Variants in CPPED1 observed in about 807,000 individuals in gnomAD.
CPPED1 encodes the protein serine/threonine-protein phosphatase CPPED1.
A neutral mutation model predicts 28.0 loss-of-function variants in CPPED1; 28 were observed. The observed-to-expected ratio is 1.00, with a 90% CI of 0.74 to 1.37. The LOEUF is 1.37. Among genes scored for constraint, CPPED1 ranks in the 40% most tolerant of loss-of-function variants. CPPED1 has a pLI of 0.00. For missense variants in CPPED1, 504 were observed against 416.5 expected, an observed-to-expected ratio of 1.21 and a Z score of -1.83; for synonymous variants, 198 against 180.2, an observed-to-expected ratio of 1.10 and a Z score of -0.79.
At chr16:12,721,903 T>C (rs78798091) in intron 2 of CPPED1, among the ~76,000 whole-genome samples, 5,206 of 152,256 alleles carry the variant, frequency 0.034, 131 homozygotes, top group East Asian at 0.1. Flanking sequence ...CTCTCCGCTA[T>C]GGAGGTTGTC....
Position 12,664,742 on chromosome 16 carries a change from C to G in CPPED1, c.*144G>C, listed in dbSNP as rs897410892. Reference sequence around the variant, plus strand: ...AATATAATTCAGGACAGGGCCCCAGCTCTCTGATTTATGCAAAAGGACATA... The same window carrying G: ...AATATAATTCAGGACAGGGCCCCAGGTCTCTGATTTATGCAAAAGGACATA... On this transcript the variant is annotated 3_prime_UTR_variant, in exon 4 of 4. Coordinates refer to ENST00000381774, the MANE Select transcript of CPPED1 (RefSeq NM_018340.3). This position sits in a 1 kb window ranked among gnomAD's most constrained non-coding sequence, Gnocchi z 4.2. 1 of 1,488,780 alleles carries G rather than the reference C, an allele frequency of 6.7e-7. No homozygotes were observed. The highest frequency in any genetic ancestry group is 2.9e-5 in the Admixed American group (1 of 34,928). The allele number at this position is 1,488,780 out of a possible 1,614,324, so 92.2% of individuals were successfully genotyped here.
At chr16:12,665,146 C>T in intron 3 of CPPED1, 31 bp from the exon 4 acceptor site, 1 of 1,574,788 alleles carries the variant, frequency 6.4e-7, no homozygotes, top group South Asian at 1.2e-5. Context: ...CATTAGGGGG[C>T]CGAGGACTTC....
intron 2 of CPPED1, among the ~76,000 whole-genome samples, chr16:12,741,057 G>A (rs1477906806): frequency 2.0e-5 from 3 of 152,160 alleles, no homozygotes; most frequent in East Asian, 1.9e-4. Flanking sequence ...AGATAACAGT[G>A]CCCTTTCTAA....
chr16:12,768,386 G>A (rs1262780512), intron 2 of CPPED1, among the ~76,000 whole-genome samples: 1 of 152,102 alleles, frequency 6.6e-6, no homozygotes, highest in Non-Finnish European at 1.5e-5. Flanking sequence ...TAATCAAAAG[G>A]CAACTGTTAA....
intron 2 of CPPED1, among the ~76,000 whole-genome samples, chr16:12,760,037 T>C (rs1041310643): frequency 8.5e-5 from 13 of 152,230 alleles, no homozygotes; most frequent in Admixed American, 5.2e-4. Context: ...CAGCTGTGGG[T>C]TCCACGTCTG....
chr16:12,727,261 G>A (rs867185312), intron 2 of CPPED1, among the ~76,000 whole-genome samples: 32 of 152,264 alleles, frequency 2.1e-4, no homozygotes, highest in Non-Finnish European at 1.3e-4. Context: ...GGCTGGTGGC[G>A]ACAGGGAAAA....
chr16:12,728,374 T>C (rs1333186398), intron 2 of CPPED1, among the ~76,000 whole-genome samples: 1 of 151,974 alleles, frequency 6.6e-6, no homozygotes, highest in Non-Finnish European at 1.5e-5. Context: ...ATATACTGAA[T>C]TCGTAGATTT....
Position 12,705,056 on chromosome 16 carries a change from G to A in CPPED1, c.290-7C>T. The A allele has an allele frequency of 6.2e-7, 1 of 1,602,162 alleles. No individual in the cohort carries two copies. Among genetic ancestry groups the A allele is most frequent in the Non-Finnish European group, 8.5e-7 (1 of 1,171,908 alleles). On this transcript the variant is annotated splice_polypyrimidine_tract_variant and splice_region_variant and intron_variant, in intron 2 of 3. Transcript: ENST00000381774. ...TCCGTCCGCCACGGCTTCCCTGGAAGAGTGAGGGTCACGTCCTGAGAAAGC... is the reference window on the plus strand; with the variant it reads ...TCCGTCCGCCACGGCTTCCCTGGAAAAGTGAGGGTCACGTCCTGAGAAAGC...
rs192292481 is a variant in CPPED1 at position 12,680,055 on chromosome 16, G to T, written c.716-14940C>A. Among the ~76,000 whole-genome samples, 119 of 152,210 alleles carry T rather than the reference G, an allele frequency of 7.8e-4. 1 individual carries two copies. Among genetic ancestry groups the T allele is most frequent in the African/African-American group, 2.8e-3 (115 of 41,530 alleles). The stretch of plus-strand genomic sequence containing the variant: ...TTATCTACATAATAAGACAACCTTT[G>T]TTCACAATGCAGTTCTGCCTCTTAC... On this transcript the variant is annotated intron_variant, in intron 3 of 3. Coordinates refer to ENST00000381774, the MANE Select transcript of CPPED1 (RefSeq NM_018340.3).
At chr16:12,786,401 T>C (rs757236051) in intron 1 of CPPED1, among the ~76,000 whole-genome samples, 1 of 149,242 alleles carries the variant, frequency 6.7e-6, no homozygotes, top group Non-Finnish European at 1.5e-5. Flanking sequence ...TTCGTTTCCT[T>C]AAACTAACAC....
intron 3 of CPPED1, among the ~76,000 whole-genome samples, chr16:12,687,154 G>A (rs976618183): frequency 1.1e-4 from 17 of 151,922 alleles, no homozygotes; most frequent in Admixed American, 6.6e-5. Context: ...GCCAACTCTT[G>A]ACCTATACTC....
chr16:12,696,722 T>C (rs1384936768), intron 3 of CPPED1, among the ~76,000 whole-genome samples: 5 of 151,990 alleles, frequency 3.3e-5, no homozygotes, highest in African/African-American at 4.8e-5. Flanking sequence ...GGATTACAGG[T>C]GTGAGCCGCT....
In CPPED1 at chr16:12,781,266, G is replaced by C. The variant is rs2080529495; in HGVS notation, c.208C>G (p.Gln70Glu). 3.3e-5 allele frequency: 53 copies of C among 1,614,018 alleles called. No individual in the cohort carries two copies. In the East Asian group the frequency reaches 1.1e-3, roughly 35 times the overall value. The change falls in exon 2 of 4, where the codon CAA (glutamine) becomes GAA (glutamate). Residue 70 changes from glutamine (Q) to glutamate (E), a missense_variant. Physicochemically the swap from Gln to Glu is conservative, Grantham distance 29 (BLOSUM62 2). Transcript: ENST00000381774. The stretch of plus-strand genomic sequence containing the variant: ...AGCTTGTTGATGGCCTGGACGGCTT[G>C]CTCAGTTAGACGGATCTCCTGTTCC... The part of the protein sequence containing the change: ...EWEQEIRLTE[Q>E]AVQAINKLNP...
intron 2 of CPPED1, among the ~76,000 whole-genome samples, chr16:12,776,696 G>A (rs1219012246): frequency 6.6e-6 from 1 of 152,140 alleles, no homozygotes; most frequent in East Asian, 1.9e-4. Flanking sequence ...TGAGGCAGGT[G>A]GATCACGAGG....
At chr16:12,699,626 T>C (rs1307742011) in intron 3 of CPPED1, among the ~76,000 whole-genome samples, 1 of 152,138 alleles carries the variant, frequency 6.6e-6, no homozygotes, top group African/African-American at 2.4e-5. Context: ...ACCTCCACGG[T>C]GGTTTGGGGA....
At chr16:12,680,992 C>T (rs2079901823) in intron 3 of CPPED1, among the ~76,000 whole-genome samples, 2 of 152,200 alleles carry the variant, frequency 1.3e-5, no homozygotes, top group South Asian at 4.2e-4. Context: ...TTCTCTTCCT[C>T]TTTCTTTCTT....
chr16:12,745,434 C>T (rs12446858), intron 2 of CPPED1, among the ~76,000 whole-genome samples: 26,792 of 152,058 alleles, frequency 0.18, 2,429 homozygotes, highest in Middle Eastern at 0.22. Context: ...TGCCCACCAA[C>T]GACAGATTGG....
intron 2 of CPPED1, among the ~76,000 whole-genome samples, chr16:12,749,042 C>G (rs1384312571): frequency 6.6e-6 from 1 of 151,966 alleles, no homozygotes; most frequent in East Asian, 1.9e-4. Flanking sequence ...ATGTTCATGA[C>G]CTCTGACTGA....
chr16:12,803,669 C>T, intron 1 of CPPED1, 38 bp downstream of exon 1: 2 of 1,450,080 alleles, frequency 1.4e-6, no homozygotes, highest in African/African-American at 1.5e-5. Flanking sequence ...GGTTCCGCAG[C>T]CCCAGAGTCC....
Sources: allele counts gnomAD v4.1 joint callset (sites outside exome capture counted in the v4.1 genomes callset), GRCh38; gene constraint gnomAD v4.1.1; non-coding constraint Gnocchi (gnomAD v3.1); transcripts MANE v1.5; gene names NCBI Gene and HGNC (gene_info 2026-07-23, HGNC 2026-07-21).